Variants in PDE6B observed in about 807,000 individuals in gnomAD.
The protein encoded by PDE6B is rod cGMP-specific 3',5'-cyclic phosphodiesterase subunit beta.
Under a neutral mutation model 109.0 loss-of-function variants are expected in PDE6B, and 106 were observed. The observed-to-expected ratio is 0.97, with a 90% confidence interval of 0.83 to 1.14. The LOEUF (loss-of-function observed/expected upper bound fraction) is 1.14. PDE6B is among the 50% of genes most tolerant of loss of function. The probability of loss-of-function intolerance (pLI) is 0.00; values close to 1 mark genes in which losing one functional copy is unlikely to be tolerated. For synonymous variants in PDE6B, 490 were observed against 471.3 expected (o/e 1.04, Z -0.51); for missense variants, 1,193 against 1,155.6 (o/e 1.03, Z -0.47).
Position 665,688 on chromosome 4 carries a change from C to T in PDE6B, c.2268+359C>T, listed in dbSNP as rs931013172. On this transcript the variant is annotated intron_variant, in intron 19 of 21. Coordinates refer to ENST00000496514, the MANE Select transcript of PDE6B (RefSeq NM_000283.4). The surrounding 1 kb of genome is among the most constrained non-coding windows in gnomAD (Gnocchi z 4.0). ...GCTGGGGCAGAGAACGCATGGGGGGCGTCCCGGGCCCACACAGTGGTATGA... is the reference window on the plus strand; with the variant it reads ...GCTGGGGCAGAGAACGCATGGGGGGTGTCCCGGGCCCACACAGTGGTATGA... Among the ~76,000 whole-genome samples the T allele has an allele frequency of 6.6e-6, 1 of 152,106 alleles. No individual in the cohort carries two copies. The highest frequency in any genetic ancestry group is 1.9e-4 in the East Asian group (1 of 5,178).
chr4:655,274 C>T, intron 6 of PDE6B: 2 of 323,724 alleles, frequency 6.2e-6, no homozygotes, highest in Non-Finnish European at 1.2e-5. Context: ...AGCCAGGAGG[C>T]CGAGTCTTGG....
chr4:654,618 T>G, intron 5 of PDE6B: 1 of 653,544 alleles, frequency 1.5e-6, no homozygotes. Context: ...CCTGTGCATG[T>G]GTGGACATGG....
At chr4:646,258 T>A (rs1735194127) in intron 3 of PDE6B, among the ~76,000 whole-genome samples, 1 of 152,026 alleles carries the variant, frequency 6.6e-6, no homozygotes, top group African/African-American at 2.4e-5. Flanking sequence ...GTATACAGAA[T>A]TATAAGTTAG....
At chr4:630,390 C>A (rs752457157) in intron 1 of PDE6B, among the ~76,000 whole-genome samples, 1 of 152,046 alleles carries the variant, frequency 6.6e-6, no homozygotes, top group Non-Finnish European at 1.5e-5. Context: ...CGGCTGGTAC[C>A]GAGTGCCCAT....
Position 662,690 on chromosome 4 carries a change from G to T in PDE6B, c.1832+72G>T. 1 of 966,218 alleles carries T rather than the reference G, an allele frequency of 1.0e-6. No individual in the cohort carries two copies. Among genetic ancestry groups the T allele is most frequent in the Non-Finnish European group, 1.7e-6 (1 of 595,058 alleles). The allele number at this position is 966,218 out of a possible 1,614,324, so 59.9% of individuals were successfully genotyped here. The stretch of plus-strand genomic sequence containing the variant: ...ACGCCCTTGGCGTGAATTAGGCTTC[G>T]CATAGCAGGCTATGTAGAAAGTGGA... On this transcript the variant is annotated intron_variant, in intron 14 of 21. Coordinates refer to ENST00000496514, the MANE Select transcript of PDE6B (RefSeq NM_000283.4). The surrounding 1 kb of genome is among the most constrained non-coding windows in gnomAD (Gnocchi z 4.3).
intron 3 of PDE6B, among the ~76,000 whole-genome samples, chr4:651,394 G>A (rs554375865): frequency 4.5e-4 from 68 of 152,298 alleles, no homozygotes; most frequent in South Asian, 2.1e-3. Flanking sequence ...CTTGAGGCCA[G>A]GCCTTGGGAG....
intron 1 of PDE6B, among the ~76,000 whole-genome samples, chr4:629,909 G>A (rs1397298782): frequency 6.6e-6 from 1 of 152,158 alleles, no homozygotes; most frequent in African/African-American, 2.4e-5. Flanking sequence ...TAGAGGCAGA[G>A]CAAATGCAGG....
chr4:657,604 A>C, intron 10 of PDE6B, 110 bp downstream of exon 10: 4 of 714,972 alleles, frequency 5.6e-6, no homozygotes, highest in Non-Finnish European at 8.2e-6. Flanking sequence ...GGGGCAGGTC[A>C]TCCAGGGGTC....
chr4:642,253 C>T (rs1288672013), intron 3 of PDE6B, among the ~76,000 whole-genome samples: 2 of 151,744 alleles, frequency 1.3e-5, no homozygotes, highest in African/African-American at 4.8e-5. Flanking sequence ...GGGTGGATCA[C>T]CTGAGGTCGG....
At chr4:657,174 GC>G (rs535025779) in intron 9 of PDE6B, 151 bp downstream of exon 9, 95 of 1,120,482 alleles carry the variant, frequency 8.5e-5, no homozygotes, top group Non-Finnish European at 1.1e-4. Flanking sequence ...ACGACAAAGG[GC>G]CCCCCCGGGA....
At position 663,971 on chromosome 4, in the gene PDE6B, G is replaced by T; in HGVS notation, c.2021+101G>T. On this transcript the variant is annotated intron_variant, in intron 16 of 21. Coordinates refer to ENST00000496514, the MANE Select transcript of PDE6B (RefSeq NM_000283.4). The surrounding 1 kb of genome is among the most constrained non-coding windows in gnomAD (Gnocchi z 4.0). ...GCGGCGGCACAGCCCGGGGGACGCAGCCCCGGATTCCGTCCCTGCCCGCCG... is the reference window on the plus strand; with the variant it reads ...GCGGCGGCACAGCCCGGGGGACGCATCCCCGGATTCCGTCCCTGCCCGCCG... 1 of 1,101,878 alleles carries T rather than the reference G, an allele frequency of 9.1e-7. No homozygotes were observed. Among genetic ancestry groups the T allele is most frequent in the South Asian group, 1.3e-5 (1 of 74,212 alleles). The allele number at this position is 1,101,878 out of a possible 1,614,324, so 68.3% of individuals were successfully genotyped here.
Position 634,763 on chromosome 4 carries a change from C to T in PDE6B, c.555C>T (p.Asp185=), listed in dbSNP as rs757424904. ...CCACACCCATCATGAATGGCAAAGACGTCGTGGCGGTGATCATGGCAGTGA... is the reference window on the plus strand; with the variant it reads ...CCACACCCATCATGAATGGCAAAGATGTCGTGGCGGTGATCATGGCAGTGA... ...MLATPIMNGK[D]VVAVIMAVNK... Residue 185 remains aspartate (D), a synonymous_variant, in exon 2 of 22, where the codon GAC becomes GAT. Transcript: ENST00000496514. 2.5e-5 allele frequency: 41 copies of T among 1,613,340 alleles called. No individual in the cohort carries two copies. The East Asian group carries it at 2.7e-4, about 11-fold the overall frequency.
At position 625,815 on chromosome 4, in the gene PDE6B, G is replaced by A. The variant is rs945914232; in HGVS notation, c.189G>A (p.Val63=). 1 of 1,613,182 alleles carries A rather than the reference G, an allele frequency of 6.2e-7. No homozygotes were observed. The highest frequency in any genetic ancestry group is 1.1e-5 in the South Asian group (1 of 91,090). ...AGAGCACGGCGCTGCTGGAGCTGGTGCAGGATATGCAGGAGAGCATCAACA... is the reference window on the plus strand; with the variant it reads ...AGAGCACGGCGCTGCTGGAGCTGGTACAGGATATGCAGGAGAGCATCAACA... ...VEESTALLEL[V]QDMQESINME... Residue 63 remains valine, a synonymous_variant, in exon 1 of 22, where the codon GTG becomes GTA. Transcript: ENST00000496514. The surrounding 1 kb of genome is among the most constrained non-coding windows in gnomAD (Gnocchi z 5.0).
chr4:666,598 G>A lies in PDE6B; in HGVS notation c.2336G>A (p.Cys779Tyr). The A allele has an allele frequency of 6.2e-7, 1 of 1,608,442 alleles. No individual in the cohort carries two copies. Among genetic ancestry groups the A allele is most frequent in the Non-Finnish European group, 8.5e-7 (1 of 1,175,122 alleles). ...CAAGTGGGCTTCATCGACTTCGTGT[G>A]CACATTCGTGTACAAGGCGAGTGGT... is the stretch of plus-strand genomic sequence containing the variant. ...KLQVGFIDFV[C>Y]TFVYKEFSRF... Residue 779 changes from cysteine to tyrosine, a missense_variant, in exon 20 of 22, where the codon TGC becomes TAC. Coordinates refer to ENST00000496514, the MANE Select transcript of PDE6B (RefSeq NM_000283.4). This position sits in a 1 kb window ranked among gnomAD's most constrained non-coding sequence, Gnocchi z 5.6.
rs376359440 is a variant in PDE6B at position 667,488 on chromosome 4, CGT to C, written c.2353-358_2353-357del. On this transcript the variant is annotated intron_variant, in intron 20 of 21. Coordinates refer to ENST00000496514, the MANE Select transcript of PDE6B (RefSeq NM_000283.4). ...TGTGCTGTGCTTGCATGATGTGTGC[CGT>C]GTGTGTGTGGGAGGGACGGGAGAAG... Among the ~76,000 whole-genome samples, 10 of 152,242 alleles carry C rather than the reference CGT, an allele frequency of 6.6e-5. No individual in the cohort carries two copies. The East Asian group carries it at 1.9e-3, about 29-fold the overall frequency.
chr4:654,084 T>A lies in PDE6B; in HGVS notation c.857T>A (p.Phe286Tyr). The stretch of plus-strand genomic sequence containing the variant: ...CCTCACCTCTTCTCTGCCCAGGAAT[T>A]TTTTGACGTGTGGTCTGTGCTGATG... Reference protein sequence around the residue: ...GLLDMTKEKEFFDVWSVLMGE... With the variant: ...GLLDMTKEKEYFDVWSVLMGE... The change falls in exon 5 of 22, where the codon TTT becomes TAT. Residue 286 changes from phenylalanine to tyrosine, a missense_variant. Coordinates refer to ENST00000496514, the MANE Select transcript of PDE6B (RefSeq NM_000283.4). The A allele has an allele frequency of 6.2e-7, 1 of 1,613,894 alleles. No homozygotes were observed.
rs536967553 is a variant in PDE6B, at chr4:654,125, T to C, written c.898T>C (p.Tyr300His). The change falls in exon 5 of 22, where the codon TAC (tyrosine) becomes CAC (histidine). Residue 300 changes from tyrosine to histidine, a missense_variant. Tyr to His is a moderately conservative substitution (Grantham distance 83). Transcript: ENST00000496514. ...TGTGCTGATGGGAGAGTCCCAGCCGTACTCGGGCCCACGCACGCCTGATGG... is the reference window on the plus strand; with the variant it reads ...TGTGCTGATGGGAGAGTCCCAGCCGCACTCGGGCCCACGCACGCCTGATGG... ...WSVLMGESQP[Y>H]SGPRTPDGRE... 6.2e-7 allele frequency: 1 copy of C among 1,613,814 alleles called. No homozygotes were observed. The highest frequency in any genetic ancestry group is 1.1e-5 in the South Asian group (1 of 91,084).
At chr4:639,650 G>A (rs980199244) in intron 3 of PDE6B, among the ~76,000 whole-genome samples, 1 of 152,146 alleles carries the variant, frequency 6.6e-6, no homozygotes, top group African/African-American at 2.4e-5. Flanking sequence ...CCTGCTTCTG[G>A]CATGAGAAAG....
chr4:654,468 T>C (rs1735955902), intron 5 of PDE6B: 2 of 590,658 alleles, frequency 3.4e-6, no homozygotes, highest in African/African-American at 3.7e-5. Flanking sequence ...GATGCGTGTG[T>C]GTGTGTGTGT....
Sources: allele counts gnomAD v4.1 joint callset (sites outside exome capture counted in the v4.1 genomes callset), GRCh38; gene constraint gnomAD v4.1.1; non-coding constraint Gnocchi (gnomAD v3.1); transcripts MANE v1.5; gene names NCBI Gene and HGNC (gene_info 2026-07-23, HGNC 2026-07-21).